The following ESRRG variants were observed in gnomAD, a reference collection of about 807,000 sequenced individuals.
ESRRG encodes estrogen-related receptor gamma.
Under a neutral mutation model 44.0 loss-of-function variants are expected in ESRRG, and 13 were observed. The ratio of observed to expected loss-of-function variants is 0.30; its 90% CI spans 0.19 to 0.47. The LOEUF (loss-of-function observed/expected upper bound fraction) is 0.47. ESRRG is among the 20% of genes least tolerant of loss of function. The pLI, the probability that ESRRG is intolerant of heterozygous loss-of-function variation, is 1.00. For missense variants in ESRRG, 395 were observed against 580.6 expected (o/e 0.68, Z 3.29); for synonymous variants, 215 against 214.6 (o/e 1.00, Z -0.02).
chr1:216,946,738 A>G (rs2066123838), intron 1 of ESRRG, among the ~76,000 whole-genome samples: 2 of 150,580 alleles, frequency 1.3e-5, no homozygotes, highest in Non-Finnish European at 3.0e-5. Flanking sequence ...TTGTTTTTTT[A>G]GGGAGTCTCC....
chr1:216,742,178 C>G (rs1048437284), intron 2 of ESRRG, among the ~76,000 whole-genome samples: 4 of 152,164 alleles, frequency 2.6e-5, no homozygotes, highest in African/African-American at 9.7e-5. Context: ...ATTCTTATTT[C>G]CAGGATTTTT....
intron 3 of ESRRG, among the ~76,000 whole-genome samples, chr1:216,570,385 GT>G (rs1436742823): frequency 2.0e-5 from 3 of 152,026 alleles, no homozygotes; most frequent in Non-Finnish European, 4.4e-5. Flanking sequence ...GTATTCCTTT[GT>G]TTATCTAATT....
chr1:216,575,320 T>C (rs1168308188), intron 3 of ESRRG, among the ~76,000 whole-genome samples: 5 of 152,244 alleles, frequency 3.3e-5, no homozygotes, highest in African/African-American at 9.6e-5. Context: ...GTTCTCAAAA[T>C]AGATTATGAT....
Position 217,051,102 on chromosome 1 carries a change from T to G in ESRRG, c.-106+38405A>C, listed in dbSNP as rs374031074. Among the ~76,000 whole-genome samples the G allele has an allele frequency of 1.5e-4, 22 of 151,282 alleles. No individual in the cohort carries two copies. The South Asian group carries it at 4.6e-3, about 32-fold the overall frequency. Reference sequence around the variant, plus strand: ...AAAGACTTTTTTCCTTCTTATTTCATATCCAGGATCTAAGGCCTAGTACTG... The same window carrying G: ...AAAGACTTTTTTCCTTCTTATTTCAGATCCAGGATCTAAGGCCTAGTACTG... On this transcript the variant is annotated intron_variant, in intron 1 of 7. Transcript: ENST00000359162.
At chr1:216,673,798 C>T (rs537789345) in intron 2 of ESRRG, among the ~76,000 whole-genome samples, 1 of 152,252 alleles carries the variant, frequency 6.6e-6, no homozygotes, top group Admixed American at 6.5e-5. Context: ...ATCCCCTCAA[C>T]CCTAAAAATT....
At chr1:216,921,486 A>C (rs1578174618) in intron 2 of ESRRG, among the ~76,000 whole-genome samples, 1 of 152,152 alleles carries the variant, frequency 6.6e-6, no homozygotes, top group African/African-American at 2.4e-5. Context: ...TACGAACTTG[A>C]CCTCTTATTA....
At chr1:216,984,056 G>C (rs564070879) in intron 1 of ESRRG, among the ~76,000 whole-genome samples, 8 of 148,344 alleles carry the variant, frequency 5.4e-5, no homozygotes, top group Non-Finnish European at 8.9e-5. Context: ...AATGGGGGGG[G>C]GTATGTGGAG....
intron 2 of ESRRG, among the ~76,000 whole-genome samples, chr1:216,772,181 C>T (rs973402260): frequency 2.0e-5 from 3 of 152,106 alleles, no homozygotes; most frequent in Admixed American, 6.6e-5. Context: ...TCAGATCTAA[C>T]AAAACCACAG....
At chr1:217,127,249 T>C (rs879634722) in intron 1 of ESRRG, among the ~76,000 whole-genome samples, 1 of 152,214 alleles carries the variant, frequency 6.6e-6, no homozygotes, top group Non-Finnish European at 1.5e-5. Flanking sequence ...ATTTTCTATG[T>C]TTATTATTGC....
At chr1:216,773,034 C>T (rs2093444465) in intron 2 of ESRRG, among the ~76,000 whole-genome samples, 1 of 152,046 alleles carries the variant, frequency 6.6e-6, no homozygotes, top group Non-Finnish European at 1.5e-5. Context: ...AACATGGCTT[C>T]TAATGGTCTT....
At chr1:217,121,213 C>T (rs190402059) in intron 1 of ESRRG, among the ~76,000 whole-genome samples, 78 of 152,120 alleles carry the variant, frequency 5.1e-4, no homozygotes, top group Non-Finnish European at 9.6e-4. Context: ...ATTCTGAAAT[C>T]GCTCAGTATA....
intron 1 of ESRRG, among the ~76,000 whole-genome samples, chr1:217,068,681 C>T (rs1157513386): frequency 1.3e-5 from 2 of 152,210 alleles, no homozygotes; most frequent in East Asian, 3.9e-4. Context: ...AGAAGGGAGT[C>T]GTTTTGCATG....
chr1:217,024,989 C>G (rs1193718353), intron 1 of ESRRG, among the ~76,000 whole-genome samples: 1 of 152,164 alleles, frequency 6.6e-6, no homozygotes, highest in Non-Finnish European at 1.5e-5. Context: ...CCCAAGGCCA[C>G]TCAGCTTGGA....
intron 2 of ESRRG, among the ~76,000 whole-genome samples, chr1:216,861,213 A>T (rs1348073547): frequency 6.6e-6 from 1 of 152,090 alleles, no homozygotes; most frequent in Non-Finnish European, 1.5e-5. Context: ...TAAAAAATAA[A>T]TAGAAAAATG....
chr1:217,055,215 T>A (rs952816120), intron 1 of ESRRG, among the ~76,000 whole-genome samples: 3 of 152,102 alleles, frequency 2.0e-5, no homozygotes, highest in Non-Finnish European at 4.4e-5. Context: ...AGGCAAGGCC[T>A]TTCTGGTGAG....
intron 2 of ESRRG, among the ~76,000 whole-genome samples, chr1:216,825,311 C>T (rs189377771): frequency 1.3e-5 from 2 of 152,284 alleles, no homozygotes; most frequent in East Asian, 3.9e-4. Flanking sequence ...GAACTGAGCT[C>T]CATCACACAT....
At chr1:217,003,493 G>A (rs762577795) in intron 1 of ESRRG, among the ~76,000 whole-genome samples, 6 of 150,060 alleles carry the variant, frequency 4.0e-5, no homozygotes, top group Non-Finnish European at 8.9e-5. Context: ...ATAATTTAAT[G>A]TATTATGTAA....
At chr1:216,772,925 C>T (rs1368699531) in intron 2 of ESRRG, among the ~76,000 whole-genome samples, 2 of 151,292 alleles carry the variant, frequency 1.3e-5, no homozygotes, top group Non-Finnish European at 2.9e-5. Context: ...AAAATCAGAA[C>T]TTTATTGATT....
intron 2 of ESRRG, among the ~76,000 whole-genome samples, chr1:216,856,116 C>A (rs1331049055): frequency 6.6e-6 from 1 of 151,318 alleles, no homozygotes; most frequent in African/African-American, 2.4e-5. Context: ...CCTTTTTTTC[C>A]CGGTCTTCCC....
Sources: allele counts gnomAD v4.1 joint callset (sites outside exome capture counted in the v4.1 genomes callset), GRCh38; gene constraint gnomAD v4.1.1; transcripts MANE v1.5; gene names NCBI Gene and HGNC (gene_info 2026-07-23, HGNC 2026-07-21).